Variants in PABPC4L observed in about 807,000 individuals in gnomAD.
PABPC4L encodes polyadenylate-binding protein 4-like.
For synonymous variants in PABPC4L, 169 were observed against 164.1 expected (o/e 1.03, Z -0.23); for missense variants, 452 against 451.4 (o/e 1.00, Z -0.01).
chr4:133,978,291 G>A, the PABPC4L span, among the ~76,000 whole-genome samples: 145 of 152,104 alleles, frequency 9.5e-4, 1 homozygote, highest in Admixed American at 1.0e-3. Flanking sequence ...TTCAGAATGG[G>A]TAGTAGAAAA....
At chr4:134,144,283 C>T in the PABPC4L span, among the ~76,000 whole-genome samples, 2 of 151,492 alleles carry the variant, frequency 1.3e-5, no homozygotes, top group Non-Finnish European at 3.0e-5. Flanking sequence ...AAAATATTAA[C>T]TTCCTTATCA....
At chr4:134,180,969 C>G in the PABPC4L span, among the ~76,000 whole-genome samples, 2 of 151,858 alleles carry the variant, frequency 1.3e-5, no homozygotes, top group African/African-American at 2.4e-5. Flanking sequence ...GAGGTGGTAA[C>G]ATTCCTACTG....
the PABPC4L span, among the ~76,000 whole-genome samples, chr4:134,021,706 T>G: frequency 2.0e-5 from 3 of 152,294 alleles, no homozygotes; most frequent in Admixed American, 1.3e-4. Context: ...TTAAATTTTC[T>G]AATGTGAGTT....
the PABPC4L span, among the ~76,000 whole-genome samples, chr4:134,111,746 T>C: frequency 6.6e-6 from 1 of 151,948 alleles, no homozygotes; most frequent in Non-Finnish European, 1.5e-5. Context: ...TCTTCTCTTG[T>C]CTGCCACCAT....
the PABPC4L span, among the ~76,000 whole-genome samples, chr4:133,965,932 C>A: frequency 6.6e-6 from 1 of 151,940 alleles, no homozygotes; most frequent in Non-Finnish European, 1.5e-5. Flanking sequence ...GACCAAGAAC[C>A]CAAAAGCAAA....
the PABPC4L span, among the ~76,000 whole-genome samples, chr4:134,140,022 T>C: frequency 6.6e-6 from 1 of 151,840 alleles, no homozygotes; most frequent in Non-Finnish European, 1.5e-5. Flanking sequence ...TAAAATGAAA[T>C]AGATAATTTT....
In PABPC4L at chr4:134,199,655, G is replaced by A. The variant is rs1203579820; in HGVS notation, c.*252C>T. The A allele has an allele frequency of 4.4e-6, 2 of 458,074 alleles. No homozygotes were observed. Among genetic ancestry groups the A allele is most frequent in the South Asian group, 2.9e-5 (1 of 34,284 alleles). The allele number at this position is 458,074 out of a possible 1,614,324, so 28.4% of individuals were successfully genotyped here. A position where few individuals can be genotyped will look rare whatever the true frequency, so the allele number is the denominator to read the frequency against. On this transcript the variant is annotated 3_prime_UTR_variant, in exon 2 of 2. Coordinates refer to ENST00000421491, the MANE Select transcript of PABPC4L (RefSeq NM_001114734.2). Reference sequence around the variant, plus strand: ...TATATCTATTTATACTTATTGCTATGAACATATCAAAATAAGAAAAATGTG... The same window carrying A: ...TATATCTATTTATACTTATTGCTATAAACATATCAAAATAAGAAAAATGTG...
At chr4:133,956,695 T>C in the PABPC4L span, among the ~76,000 whole-genome samples, 1 of 152,082 alleles carries the variant, frequency 6.6e-6, no homozygotes, top group Non-Finnish European at 1.5e-5. Context: ...GACTGAGTAA[T>C]TTACAAAAGA....
At chr4:134,133,126 CATATTACAT>C in the PABPC4L span, among the ~76,000 whole-genome samples, 1 of 16,566 alleles carries the variant, frequency 6.0e-5, no homozygotes, top group South Asian at 3.5e-3. Context: ...TATAATATAT[CATATTACAT>C]ATAATTATAT....
the PABPC4L span, among the ~76,000 whole-genome samples, chr4:134,120,391 T>G: frequency 2.0e-5 from 3 of 149,586 alleles, no homozygotes; most frequent in Admixed American, 6.7e-5. Context: ...TATTTAATAC[T>G]TCCAAAAATA....
At chr4:134,064,043 T>C in the PABPC4L span, among the ~76,000 whole-genome samples, 1 of 152,080 alleles carries the variant, frequency 6.6e-6, no homozygotes, top group Non-Finnish European at 1.5e-5. Flanking sequence ...GATTTTTATC[T>C]TATTCTAAAA....
the PABPC4L span, among the ~76,000 whole-genome samples, chr4:134,173,057 T>A: frequency 7.3e-6 from 1 of 137,410 alleles, no homozygotes; most frequent in East Asian, 2.3e-4. Context: ...AGACAGGCAA[T>A]AACAAATGCT....
chr4:134,114,239 T>TA, the PABPC4L span, among the ~76,000 whole-genome samples: 115 of 151,460 alleles, frequency 7.6e-4, 2 homozygotes, highest in East Asian at 0.018. Context: ...GTCACACAGG[T>TA]AAAAAAATGT....
the PABPC4L span, among the ~76,000 whole-genome samples, chr4:134,013,278 C>T: frequency 7.9e-5 from 12 of 151,936 alleles, no homozygotes; most frequent in South Asian, 2.1e-4. Context: ...TTCTGCACCC[C>T]GACCTCTTAA....
At chr4:134,085,075 C>G in the PABPC4L span, among the ~76,000 whole-genome samples, 2 of 151,852 alleles carry the variant, frequency 1.3e-5, no homozygotes, top group Admixed American at 6.6e-5. Context: ...AGGCTCCACC[C>G]GCTCCTCCTA....
the PABPC4L span, among the ~76,000 whole-genome samples, chr4:133,980,616 C>A: frequency 6.6e-6 from 1 of 152,126 alleles, no homozygotes; most frequent in East Asian, 1.9e-4. Flanking sequence ...TGTTGGTCAC[C>A]CCATTTTATG....
At chr4:134,137,682 C>T in the PABPC4L span, among the ~76,000 whole-genome samples, 20 of 151,854 alleles carry the variant, frequency 1.3e-4, no homozygotes, top group East Asian at 5.8e-4. Flanking sequence ...AATTCTAAGC[C>T]GAGAAAACCT....
At chr4:134,170,100 C>G in the PABPC4L span, among the ~76,000 whole-genome samples, 1 of 152,128 alleles carries the variant, frequency 6.6e-6, no homozygotes, top group Admixed American at 6.6e-5. Context: ...CATGTGAACT[C>G]AACATTTAGC....
the PABPC4L span, among the ~76,000 whole-genome samples, chr4:134,066,064 G>T: frequency 6.6e-6 from 1 of 151,964 alleles, no homozygotes; most frequent in African/African-American, 2.4e-5. Flanking sequence ...TGTTCTTTTT[G>T]CTAGGCTTGC....
Sources: allele counts gnomAD v4.1 joint callset (sites outside exome capture counted in the v4.1 genomes callset), GRCh38; gene constraint gnomAD v4.1.1; transcripts MANE v1.5; gene names NCBI Gene and HGNC (gene_info 2026-07-23, HGNC 2026-07-21).